IGSF10: variants seen among roughly 807,000 people sequenced by gnomAD.
IGSF10 encodes the protein immunoglobulin superfamily member 10.
In IGSF10, 126 loss-of-function variants were observed where a neutral mutation model predicts 128.2. The observed-to-expected ratio is 0.98, with a 90% CI of 0.85 to 1.14. The LOEUF (loss-of-function observed/expected upper bound fraction) is 1.14, where lower values mean the gene tolerates loss of function less well. Among genes scored for constraint, IGSF10 ranks in the 50% most tolerant of loss-of-function variants. The pLI is 0.00. For missense variants in IGSF10, 3,295 were observed against 3,149.8 expected (o/e 1.05, Z -1.10); for synonymous variants, 1,185 against 1,146.2 (o/e 1.03, Z -0.68).
At chr3:151,524,545 C>A in the IGSF10 span, among the ~76,000 whole-genome samples, 1 of 152,184 alleles carries the variant, frequency 6.6e-6, no homozygotes, top group Non-Finnish European at 1.5e-5. Context: ...CGAAATACCA[C>A]ATGTTCTTAC....
At chr3:151,529,569 T>G in the IGSF10 span, among the ~76,000 whole-genome samples, 1 of 152,052 alleles carries the variant, frequency 6.6e-6, no homozygotes, top group Non-Finnish European at 1.5e-5. Context: ...GCAAACAGGG[T>G]CTGGAGTGGA....
chr3:151,514,668 G>A, the IGSF10 span, among the ~76,000 whole-genome samples: 6 of 152,166 alleles, frequency 3.9e-5, no homozygotes, highest in South Asian at 6.2e-4. Flanking sequence ...ACCACCGTCA[G>A]AGTGAACAGG....
the IGSF10 span, among the ~76,000 whole-genome samples, chr3:151,505,693 A>T: frequency 6.6e-6 from 1 of 152,226 alleles, no homozygotes; most frequent in Non-Finnish European, 1.5e-5. Context: ...ATTGCATTTG[A>T]AAATGAGGCC....
At chr3:151,459,559 T>G (rs1410465905) in intron 2 of IGSF10, among the ~76,000 whole-genome samples, 1 of 152,154 alleles carries the variant, frequency 6.6e-6, no homozygotes, top group East Asian at 1.9e-4. Context: ...GCTGTCTGCT[T>G]TTGCTCAGCT....
the IGSF10 span, among the ~76,000 whole-genome samples, chr3:151,515,091 C>T: frequency 1.3e-5 from 2 of 152,004 alleles, no homozygotes; most frequent in Non-Finnish European, 2.9e-5. Context: ...CTAGAAATAC[C>T]ATTTGACCCA....
At chr3:151,528,076 G>C in the IGSF10 span, among the ~76,000 whole-genome samples, 2 of 152,124 alleles carry the variant, frequency 1.3e-5, no homozygotes, top group African/African-American at 4.8e-5. Flanking sequence ...TACTCACAGT[G>C]CTTTTTTTCC....
Position 151,446,502 on chromosome 3 carries a change from G to T in IGSF10, c.3479C>A (p.Ala1160Asp). 1 of 1,614,168 alleles carries T rather than the reference G, an allele frequency of 6.2e-7. No homozygotes were observed. Among genetic ancestry groups the T allele is most frequent in the South Asian group, 1.1e-5 (1 of 91,082 alleles). Residue 1160 changes from alanine (A) to aspartate (D), a missense_variant, in exon 6 of 8, where the codon GCC becomes GAC. By Grantham distance (126) the Ala-to-Asp change is moderately radical (BLOSUM62 -2). Transcript: ENST00000282466. Reference sequence around the variant, plus strand: ...GGTGCTAGACACACGTGGGTAACTGGCGTTTACTTTGTGAGTTTTTTCCAT... The same window carrying T: ...GGTGCTAGACACACGTGGGTAACTGTCGTTTACTTTGTGAGTTTTTTCCAT... ...IPMEKTHKVN[A>D]SYPRVSSTNE...
the IGSF10 span, among the ~76,000 whole-genome samples, chr3:151,583,706 C>A: frequency 6.6e-6 from 1 of 152,268 alleles, no homozygotes; most frequent in South Asian, 2.1e-4. Flanking sequence ...GCACATGTAT[C>A]CTAGAACTTA....
chr3:151,573,372 T>C, the IGSF10 span, among the ~76,000 whole-genome samples: 1 of 152,238 alleles, frequency 6.6e-6, no homozygotes, highest in African/African-American at 2.4e-5. Flanking sequence ...TAAGTTTCTT[T>C]GTAGGTCTCT....
the IGSF10 span, among the ~76,000 whole-genome samples, chr3:151,491,649 G>A: frequency 7.3e-5 from 11 of 151,050 alleles, no homozygotes; most frequent in Admixed American, 6.6e-4. Context: ...AAGAGATTGA[G>A]TAAGTAATAA....
At chr3:151,495,318 A>G in the IGSF10 span, among the ~76,000 whole-genome samples, 12 of 152,152 alleles carry the variant, frequency 7.9e-5, no homozygotes, top group Non-Finnish European at 1.3e-4. Context: ...TACAACAGAG[A>G]AGGTCAGTTG....
At chr3:151,501,081 T>G in the IGSF10 span, among the ~76,000 whole-genome samples, 26 of 152,108 alleles carry the variant, frequency 1.7e-4, no homozygotes, top group African/African-American at 6.0e-4. Flanking sequence ...TCTACCACAG[T>G]GGTAACAAAA....
chr3:151,602,859 G>T, the IGSF10 span, among the ~76,000 whole-genome samples: 68 of 152,316 alleles, frequency 4.5e-4, no homozygotes, highest in Non-Finnish European at 8.5e-4. Flanking sequence ...TTTCTTAAAG[G>T]TGTTTATATT....
chr3:151,513,371 T>C, the IGSF10 span, among the ~76,000 whole-genome samples: 2 of 151,472 alleles, frequency 1.3e-5, no homozygotes, highest in South Asian at 2.1e-4. Flanking sequence ...AGACAAAAAC[T>C]ACATGATTAT....
At chr3:151,614,079 A>G in the IGSF10 span, among the ~76,000 whole-genome samples, 1 of 152,258 alleles carries the variant, frequency 6.6e-6, no homozygotes, top group Non-Finnish European at 1.5e-5. Flanking sequence ...AATGCTCATC[A>G]TCACTGGCCA....
the IGSF10 span, among the ~76,000 whole-genome samples, chr3:151,511,129 CCT>C: frequency 6.6e-6 from 1 of 152,074 alleles, no homozygotes; most frequent in Non-Finnish European, 1.5e-5. Flanking sequence ...CAAAGATACT[CCT>C]CGAGAAGAGC....
At chr3:151,595,971 C>T in the IGSF10 span, among the ~76,000 whole-genome samples, 1 of 152,100 alleles carries the variant, frequency 6.6e-6, no homozygotes, top group Non-Finnish European at 1.5e-5. Flanking sequence ...TTACCACACA[C>T]ACACACAAAA....
the IGSF10 span, among the ~76,000 whole-genome samples, chr3:151,603,918 G>C: frequency 2.6e-5 from 4 of 152,304 alleles, no homozygotes; most frequent in South Asian, 2.1e-4. Context: ...TTTGTTCCGA[G>C]ACTGTCCTTT....
the IGSF10 span, among the ~76,000 whole-genome samples, chr3:151,543,891 T>C: frequency 0.036 from 5,506 of 152,226 alleles, 129 homozygotes; most frequent in East Asian, 0.06. Flanking sequence ...TACCCCTAAG[T>C]GCTCAAACAG....
Sources: gnomAD v4.1 joint callset for allele counts (sites outside exome capture counted in the v4.1 genomes callset) on GRCh38, gnomAD v4.1.1 for gene constraint, MANE v1.5 for transcripts, NCBI Gene and HGNC (gene_info 2026-07-23, HGNC 2026-07-21) for gene names.